The following BRIP1 variants were observed in gnomAD, a reference collection of about 807,000 sequenced individuals.
BRIP1 encodes Fanconi anemia group J protein.
A neutral mutation model predicts 119.7 loss-of-function variants in BRIP1; 88 were observed. The observed-to-expected ratio is 0.74, with a 90% CI of 0.62 to 0.88. BRIP1 has a LOEUF of 0.88. Ranked by LOEUF, BRIP1 falls within the 40% of genes least tolerant of loss-of-function variation. BRIP1 has a pLI of 0.00. For missense variants in BRIP1, 1,259 were observed against 1,455.4 expected (o/e 0.87, Z 2.20); for synonymous variants, 443 against 496.5 (o/e 0.89, Z 1.43).
rs2061680978 is a variant in BRIP1 at position 61,705,644 on chromosome 17, G to C, written c.2492+10307C>G. ...TCTAGCTTCATAAGGTAGAAACTAA[G>C]ATCAATGATTTGAGGATGTTTTTTC... On this transcript the variant is annotated intron_variant, in intron 17 of 19. Coordinates refer to ENST00000259008, the MANE Select transcript of BRIP1 (RefSeq NM_032043.3). The surrounding 1 kb of genome is among the most constrained non-coding windows in gnomAD (Gnocchi z 5.0). Among the ~76,000 whole-genome samples the C allele has an allele frequency of 6.6e-6, 1 of 151,972 alleles. No individual in the cohort carries two copies. The highest frequency in any genetic ancestry group is 2.1e-4 in the South Asian group (1 of 4,810).
chr17:61,786,619 T>C (rs898070827), intron 10 of BRIP1, among the ~76,000 whole-genome samples: 1 of 146,566 alleles, frequency 6.8e-6, no homozygotes, highest in African/African-American at 2.5e-5. Flanking sequence ...ATATATATTA[T>C]TTAACAGCTC....
chr17:61,758,269 T>C lies in BRIP1; in HGVS notation c.2098-13678A>G, dbSNP rs2077227139. Among the ~76,000 whole-genome samples, 1 of 152,216 alleles carries C rather than the reference T, an allele frequency of 6.6e-6. No individual in the cohort carries two copies. The highest frequency in any genetic ancestry group is 2.4e-5 in the African/African-American group (1 of 41,460). ...ACACAAATTCAACTATATGTTTCAT[T>C]CTTTTCCTGAATAGATTAACTGTAG... On this transcript the variant is annotated intron_variant, in intron 14 of 19. Transcript: ENST00000259008. The surrounding 1 kb of genome is among the most constrained non-coding windows in gnomAD (Gnocchi z 5.3).
At chr17:61,792,236 A>G (rs1268436285) in intron 10 of BRIP1, among the ~76,000 whole-genome samples, 1 of 152,210 alleles carries the variant, frequency 6.6e-6, no homozygotes, top group Non-Finnish European at 1.5e-5. Context: ...GCATACCACC[A>G]TACCCGGCAG....
chr17:61,751,382 T>C lies in BRIP1; in HGVS notation c.2098-6791A>G, dbSNP rs1041083913. Among the ~76,000 whole-genome samples, 6 of 152,154 alleles carry C rather than the reference T, an allele frequency of 3.9e-5. No individual in the cohort carries two copies. Among genetic ancestry groups the C allele is most frequent in the African/African-American group, 1.4e-4 (6 of 41,432 alleles). On this transcript the variant is annotated intron_variant, in intron 14 of 19. Coordinates refer to ENST00000259008, the MANE Select transcript of BRIP1 (RefSeq NM_032043.3). This position sits in a 1 kb window ranked among gnomAD's most constrained non-coding sequence, Gnocchi z 6.7. Reference sequence around the variant, plus strand: ...TCAGTACAGTTTCTGACTGGGATGATTGAAAAGTTTTGGAAAGGGATACTG... The same window carrying C: ...TCAGTACAGTTTCTGACTGGGATGACTGAAAAGTTTTGGAAAGGGATACTG...
chr17:61,840,684 T>C (rs2078646027), intron 6 of BRIP1, among the ~76,000 whole-genome samples: 1 of 152,108 alleles, frequency 6.6e-6, no homozygotes, highest in Non-Finnish European at 1.5e-5. Flanking sequence ...AGATTCAATG[T>C]AATCCCTATC....
In BRIP1 at chr17:61,861,356, G is replaced by A. The variant is rs1459696135; in HGVS notation, c.93+91C>T. 2.3e-6 allele frequency: 2 copies of A among 865,534 alleles called. No homozygotes were observed. The highest frequency in any genetic ancestry group is 3.9e-6 in the Non-Finnish European group (2 of 519,210). 53.6% of individuals were successfully genotyped at this position (865,534 alleles called of 1,614,324 possible). A position where few individuals can be genotyped will look rare whatever the true frequency, so the allele number is the denominator to read the frequency against. ...ACCCAGAAAATATTCTCCATTTACT[G>A]AGAATATGAATGCAGTCAAATACTC... On this transcript the variant is annotated intron_variant, in intron 2 of 19. Transcript: ENST00000259008. The surrounding 1 kb of genome is among the most constrained non-coding windows in gnomAD (Gnocchi z 4.5).
intron 14 of BRIP1, among the ~76,000 whole-genome samples, chr17:61,773,299 A>C (rs1157221554): frequency 1.3e-5 from 2 of 152,208 alleles, no homozygotes; most frequent in African/African-American, 4.8e-5. Flanking sequence ...TGATAAAAAC[A>C]AGCAATGGGG....
rs530457448 is a variant in BRIP1 at position 61,795,999 on chromosome 17, C to T, written c.1341-2270G>A. Among the ~76,000 whole-genome samples the T allele has an allele frequency of 6.6e-6, 1 of 152,104 alleles. No homozygotes were observed. Among genetic ancestry groups the T allele is most frequent in the Admixed American group, 6.6e-5 (1 of 15,264 alleles). On this transcript the variant is annotated intron_variant, in intron 9 of 19. Transcript: ENST00000259008. The surrounding 1 kb of genome is among the most constrained non-coding windows in gnomAD (Gnocchi z 5.6). ...TGTAGTTTTGATCAGCAGAGAAATG[C>T]TGATCAATGATGTTGAGCACTTTTC...
chr17:61,703,708 C>T lies in BRIP1; in HGVS notation c.2493-10196G>A, dbSNP rs2061650805. ...TGGTGTCTTCATGATGAAATCTTTG[C>T]TAGAGCCTATGTCCAGAATGATATT... is the stretch of plus-strand genomic sequence containing the variant. On this transcript the variant is annotated intron_variant, in intron 17 of 19. Transcript: ENST00000259008. This position sits in a 1 kb window ranked among gnomAD's most constrained non-coding sequence, Gnocchi z 5.0. Among the ~76,000 whole-genome samples, 1 of 152,122 alleles carries T rather than the reference C, an allele frequency of 6.6e-6. No individual in the cohort carries two copies. Among genetic ancestry groups the T allele is most frequent in the African/African-American group, 2.4e-5 (1 of 41,418 alleles).
chr17:61,844,985 C>G lies in BRIP1; in HGVS notation c.627+2116G>C, dbSNP rs1193314135. On this transcript the variant is annotated intron_variant, in intron 6 of 19. Coordinates refer to ENST00000259008, the MANE Select transcript of BRIP1 (RefSeq NM_032043.3). This position sits in a 1 kb window ranked among gnomAD's most constrained non-coding sequence, Gnocchi z 4.7. ...CAACTAATATGCACCATATGCTATT[C>G]TAGGCATGAGGGACACACATGAAAA... 6.6e-6 allele frequency among the ~76,000 whole-genome samples: 1 copy of G among 152,156 alleles called. No homozygotes were observed. Among genetic ancestry groups the G allele is most frequent in the Non-Finnish European group, 1.5e-5 (1 of 68,032 alleles).
intron 10 of BRIP1, among the ~76,000 whole-genome samples, chr17:61,787,540 T>C (rs1181384393): frequency 1.3e-5 from 2 of 149,500 alleles, no homozygotes; most frequent in Non-Finnish European, 3.0e-5. Context: ...GAGCTGTTAA[T>C]TAAAAAAGAA....
intron 10 of BRIP1, among the ~76,000 whole-genome samples, chr17:61,785,796 T>C (rs1423536572): frequency 6.6e-6 from 1 of 152,006 alleles, no homozygotes; most frequent in Non-Finnish European, 1.5e-5. Flanking sequence ...TGATAAAATA[T>C]AGAAAATATA....
At position 61,704,751 on chromosome 17, in the gene BRIP1, TAG is replaced by T. The variant is rs1370573015; in HGVS notation, c.2492+11198_2492+11199del. Among the ~76,000 whole-genome samples the T allele has an allele frequency of 6.6e-6, 1 of 152,170 alleles. No individual in the cohort carries two copies. The highest frequency in any genetic ancestry group is 2.4e-5 in the African/African-American group (1 of 41,458). On this transcript the variant is annotated intron_variant, in intron 17 of 19. Transcript: ENST00000259008. This position sits in a 1 kb window ranked among gnomAD's most constrained non-coding sequence, Gnocchi z 5.7. ...ATCTAAGTTATCAAATGTATATGTA[TAG>T]AGTTTTTCGTAGTATTCTCATATTA... is the stretch of plus-strand genomic sequence containing the variant.
At position 61,710,023 on chromosome 17, in the gene BRIP1, C is replaced by T. The variant is rs1217531725; in HGVS notation, c.2492+5928G>A. Among the ~76,000 whole-genome samples the T allele has an allele frequency of 1.3e-5, 2 of 151,992 alleles. No homozygotes were observed. The highest frequency in any genetic ancestry group is 2.9e-5 in the Non-Finnish European group (2 of 67,998). On this transcript the variant is annotated intron_variant, in intron 17 of 19. Coordinates refer to ENST00000259008, the MANE Select transcript of BRIP1 (RefSeq NM_032043.3). The surrounding 1 kb of genome is among the most constrained non-coding windows in gnomAD (Gnocchi z 5.4). ...ATGAGTTTTATTAAATAACATAAAA[C>T]ATTTGCTTGGTCTTTATTTTTTTAA...
rs147599579 is a variant in BRIP1, at chr17:61,703,805, G to A, written c.2493-10293C>T. On this transcript the variant is annotated intron_variant, in intron 17 of 19. Coordinates refer to ENST00000259008, the MANE Select transcript of BRIP1 (RefSeq NM_032043.3). This position sits in a 1 kb window ranked among gnomAD's most constrained non-coding sequence, Gnocchi z 5.0. ...GTCTTTAATTCACCCTGAGGTGGTT[G>A]TTGTATATAGTGTAAGGAAGGGGGT... Among the ~76,000 whole-genome samples, 57 of 152,130 alleles carry A rather than the reference G, an allele frequency of 3.7e-4. No individual in the cohort carries two copies. Among genetic ancestry groups the A allele is most frequent in the Non-Finnish European group, 6.5e-4 (44 of 67,966 alleles).
chr17:61,823,813 G>A lies in BRIP1; in HGVS notation c.628-15056C>T, dbSNP rs1011996663. ...ACACACACACCTTAGTTGAATTGCTGAAAGCAGAGATAAAAATAGAATTTT... is the reference window on the plus strand; with the variant it reads ...ACACACACACCTTAGTTGAATTGCTAAAAGCAGAGATAAAAATAGAATTTT... On this transcript the variant is annotated intron_variant, in intron 6 of 19. Coordinates refer to ENST00000259008, the MANE Select transcript of BRIP1 (RefSeq NM_032043.3). The surrounding 1 kb of genome is among the most constrained non-coding windows in gnomAD (Gnocchi z 4.8). Among the ~76,000 whole-genome samples the A allele has an allele frequency of 6.7e-6, 1 of 150,040 alleles. No individual in the cohort carries two copies. Among genetic ancestry groups the A allele is most frequent in the African/African-American group, 2.5e-5 (1 of 40,600 alleles).
rs2077955757 is a variant in BRIP1 at position 61,799,364 on chromosome 17, A to G, written c.1141-65T>C. 7.8e-7 allele frequency: 1 copy of G among 1,282,638 alleles called. No homozygotes were observed. The highest frequency in any genetic ancestry group is 1.1e-6 in the Non-Finnish European group (1 of 898,838). The allele number at this position is 1,282,638 out of a possible 1,614,324, so 79.5% of individuals were successfully genotyped here. On this transcript the variant is annotated intron_variant, in intron 8 of 19. Coordinates refer to ENST00000259008, the MANE Select transcript of BRIP1 (RefSeq NM_032043.3). The surrounding 1 kb of genome is among the most constrained non-coding windows in gnomAD (Gnocchi z 5.1). Reference sequence around the variant, plus strand: ...AATAGATTTAACAACAGCAGGCAAGATATTTCATTTTAAAATTCACACTAT... The same window carrying G: ...AATAGATTTAACAACAGCAGGCAAGGTATTTCATTTTAAAATTCACACTAT...
intron 10 of BRIP1, among the ~76,000 whole-genome samples, chr17:61,786,951 ATATAT>A (rs2077725220): frequency 9.9e-6 from 1 of 100,862 alleles, no homozygotes; most frequent in Non-Finnish European, 1.8e-5. Flanking sequence ...TTTATATATA[ATATAT>A]TTATATTATA....
Position 61,756,395 on chromosome 17 carries a change from G to T in BRIP1, c.2098-11804C>A, listed in dbSNP as rs2077201346. On this transcript the variant is annotated intron_variant, in intron 14 of 19. Coordinates refer to ENST00000259008, the MANE Select transcript of BRIP1 (RefSeq NM_032043.3). The surrounding 1 kb of genome is among the most constrained non-coding windows in gnomAD (Gnocchi z 4.3). The stretch of plus-strand genomic sequence containing the variant: ...TATATGAAAAATGTGAGGTATCTTT[G>T]TTGAAAATATCCTACTTAATAGCTC... Among the ~76,000 whole-genome samples, 1 of 152,164 alleles carries T rather than the reference G, an allele frequency of 6.6e-6. No individual in the cohort carries two copies. The highest frequency in any genetic ancestry group is 1.5e-5 in the Non-Finnish European group (1 of 68,018).
Sources: gnomAD v4.1 joint callset for allele counts (sites outside exome capture counted in the v4.1 genomes callset) on GRCh38, gnomAD v4.1.1 for gene constraint, Gnocchi (gnomAD v3.1) non-coding constraint, MANE v1.5 for transcripts, NCBI Gene and HGNC (gene_info 2026-07-23, HGNC 2026-07-21) for gene names.